Variants in ADAMTSL1 observed in about 807,000 individuals in gnomAD.
ADAMTSL1 encodes ADAMTS like 1.
A neutral mutation model predicts 201.8 loss-of-function variants in ADAMTSL1; 126 were observed. That is an observed-to-expected ratio of 0.62 (90% CI 0.54 to 0.72). The LOEUF (loss-of-function observed/expected upper bound fraction) is 0.72. Among genes scored for constraint, ADAMTSL1 ranks in the 30% least tolerant of loss-of-function variants. The pLI, the probability that ADAMTSL1 is intolerant of heterozygous loss-of-function variation, is 0.00. For missense variants in ADAMTSL1, 2,679 were observed against 2,277.8 expected (o/e 1.18, Z -3.59); for synonymous variants, 1,121 against 903.4 (o/e 1.24, Z -4.32).
chr9:18,784,537 A>G (rs1220102122), intron 19 of ADAMTSL1, among the ~76,000 whole-genome samples: 1 of 152,174 alleles, frequency 6.6e-6, no homozygotes, highest in African/African-American at 2.4e-5. Context: ...TTCCTAACCA[A>G]ACATTTCTGA....
chr9:18,077,999 A>G (rs1057141845), intron 1 of ADAMTSL1, among the ~76,000 whole-genome samples: 35 of 152,208 alleles, frequency 2.3e-4, no homozygotes, highest in African/African-American at 8.2e-4. Context: ...CCTAACAAGG[A>G]CAGGGTGGGA....
intron 1 of ADAMTSL1, among the ~76,000 whole-genome samples, chr9:18,039,824 G>T (rs1361496662): frequency 6.6e-6 from 1 of 152,278 alleles, no homozygotes; most frequent in East Asian, 1.9e-4. Context: ...TCAAGGTAAG[G>T]TTTGGGTTTT....
chr9:18,150,817 A>T (rs923340623), intron 1 of ADAMTSL1, among the ~76,000 whole-genome samples: 1 of 151,986 alleles, frequency 6.6e-6, no homozygotes, highest in Non-Finnish European at 1.5e-5. Flanking sequence ...AGACAAGTTA[A>T]CCCATGAGAG....
intron 1 of ADAMTSL1, among the ~76,000 whole-genome samples, chr9:18,480,926 G>A (rs1821695729): frequency 1.3e-5 from 2 of 152,132 alleles, no homozygotes; most frequent in African/African-American, 2.4e-5. Context: ...CAAGGCTGTG[G>A]TGAAACAGTT....
At chr9:18,140,461 G>T (rs559869223) in intron 1 of ADAMTSL1, among the ~76,000 whole-genome samples, 1 of 152,188 alleles carries the variant, frequency 6.6e-6, no homozygotes, top group Non-Finnish European at 1.5e-5. Flanking sequence ...TGAATGAGCT[G>T]ACTTTCTCCA....
At chr9:18,233,051 G>T (rs1830703309) in intron 2 of ADAMTSL1, among the ~76,000 whole-genome samples, 1 of 152,178 alleles carries the variant, frequency 6.6e-6, no homozygotes, top group African/African-American at 2.4e-5. Context: ...AGGAAACTCT[G>T]CGAGGTTCCT....
intron 2 of ADAMTSL1, among the ~76,000 whole-genome samples, chr9:18,508,231 T>G (rs4961656): frequency 0.066 from 10,069 of 152,078 alleles, 546 homozygotes; most frequent in South Asian, 0.25. Flanking sequence ...CTGGGATTAT[T>G]ATGTTTGGAA....
At chr9:18,889,424 G>T in intron 24 of ADAMTSL1, 144 bp from the exon 25 acceptor site, 1 of 865,218 alleles carries the variant, frequency 1.2e-6, no homozygotes. Context: ...TCCCTGCGAG[G>T]AGCAGGGCCT....
chr9:18,726,967 C>A (rs958038747), intron 15 of ADAMTSL1, among the ~76,000 whole-genome samples: 3 of 152,180 alleles, frequency 2.0e-5, no homozygotes, highest in African/African-American at 7.2e-5. Flanking sequence ...ATAAACGAAG[C>A]TTGAGAATCC....
Position 18,795,499 on chromosome 9 carries a change from T to C in ADAMTSL1, c.3780T>C (p.Ser1260=). 1.9e-6 allele frequency: 3 copies of C among 1,613,530 alleles called. No homozygotes were observed. The highest frequency in any genetic ancestry group is 2.5e-6 in the Non-Finnish European group (3 of 1,179,686). Residue 1260 remains serine, a synonymous_variant, in exon 20 of 29, where the codon TCT becomes TCC. Coordinates refer to ENST00000380548, the MANE Select transcript of ADAMTSL1 (RefSeq NM_001040272.6). Reference sequence around the variant, plus strand: ...CCACCAATGCCTTGGGATACGACTCTGTCTCCATTGCCGTCACATTAGCAG... The same window carrying C: ...CCACCAATGCCTTGGGATACGACTCCGTCTCCATTGCCGTCACATTAGCAG... The part of the protein sequence containing the change: ...CNATNALGYD[S]VSIAVTLAGK...
At chr9:18,258,381 T>C (rs895202862) in intron 2 of ADAMTSL1, among the ~76,000 whole-genome samples, 9 of 152,118 alleles carry the variant, frequency 5.9e-5, no homozygotes, top group South Asian at 4.1e-4. Flanking sequence ...TGACAGAACA[T>C]TGGGAGAAAG....
intron 21 of ADAMTSL1, among the ~76,000 whole-genome samples, chr9:18,819,665 A>T (rs953549651): frequency 6.6e-6 from 1 of 152,082 alleles, no homozygotes; most frequent in South Asian, 2.1e-4. Context: ...TATAGTGAGA[A>T]CCTGATATAC....
chr9:18,706,959 A>C lies in ADAMTSL1; in HGVS notation c.1787A>C (p.Asp596Ala). Reference sequence around the variant, plus strand: ...CCTGAGTTCAACCCAGACGAGACAGATGGGCTCTTTGGTGGCCTGCAGGAT... The same window carrying C: ...CCTGAGTTCAACCCAGACGAGACAGCTGGGCTCTTTGGTGGCCTGCAGGAT... ...EIPEFNPDET[D>A]GLFGGLQDFD... The change falls in exon 14 of 29, where the codon GAT (aspartate) becomes GCT (alanine). Residue 596 changes from aspartate (D) to alanine (A), a missense_variant. Transcript: ENST00000380548. 6.2e-7 allele frequency: 1 copy of C among 1,613,938 alleles called. No homozygotes were observed. The highest frequency in any genetic ancestry group is 8.5e-7 in the Non-Finnish European group (1 of 1,179,886).
intron 2 of ADAMTSL1, among the ~76,000 whole-genome samples, chr9:18,459,949 T>A (rs1820747364): frequency 6.6e-6 from 1 of 152,142 alleles, no homozygotes; most frequent in Non-Finnish European, 1.5e-5. Context: ...GATGATATCC[T>A]CAGAATGAAG....
intron 4 of ADAMTSL1, among the ~76,000 whole-genome samples, chr9:18,599,222 A>T (rs1053514582): frequency 9.9e-5 from 15 of 152,178 alleles, no homozygotes; most frequent in Non-Finnish European, 2.1e-4. Flanking sequence ...GGATGAAAGG[A>T]TTTGTTTTTT....
rs539037511 is a variant in ADAMTSL1 at position 18,842,639 on chromosome 9, G to A, written c.4249+12662G>A. 8.0e-4 allele frequency among the ~76,000 whole-genome samples: 122 copies of A among 152,242 alleles called. 1 individual carries two copies. The highest frequency in any genetic ancestry group is 2.6e-3 in the African/African-American group (110 of 41,552). The stretch of plus-strand genomic sequence containing the variant: ...ATCTGTCTAATGTTGACAGTGGGGC[G>A]TTAAAGTCTCCCATTATTGTGTGGG... On this transcript the variant is annotated intron_variant, in intron 23 of 28. Transcript: ENST00000380548.
intron 3 of ADAMTSL1, among the ~76,000 whole-genome samples, chr9:18,538,496 G>A (rs1232207823): frequency 1.3e-5 from 2 of 151,922 alleles, no homozygotes; most frequent in Admixed American, 1.3e-4. Flanking sequence ...TATCATATCT[G>A]GGCTATACTA....
chr9:18,622,547 AC>A, intron 5 of ADAMTSL1, 178 bp downstream of exon 5: 2 of 894,338 alleles, frequency 2.2e-6, no homozygotes, highest in Non-Finnish European at 3.3e-6. Flanking sequence ...AAGTCAGGTT[AC>A]CAGCTGCAGT....
At chr9:18,490,744 G>T (rs143669762) in intron 1 of ADAMTSL1, among the ~76,000 whole-genome samples, 225 of 152,296 alleles carry the variant, frequency 1.5e-3, no homozygotes, top group African/African-American at 4.8e-3. Flanking sequence ...AGCCAGGGGA[G>T]CATATTCCGC....
Sources: allele counts gnomAD v4.1 joint callset (sites outside exome capture counted in the v4.1 genomes callset), GRCh38; gene constraint gnomAD v4.1.1; transcripts MANE v1.5; gene names NCBI Gene and HGNC (gene_info 2026-07-23, HGNC 2026-07-21).